TPRG1: variants seen among roughly 807,000 people sequenced by gnomAD.
The protein encoded by TPRG1 is tumor protein p63-regulated gene 1 protein.
Under a neutral mutation model 29.3 loss-of-function variants are expected in TPRG1, and 29 were observed. The observed-to-expected ratio is 0.99, with a 90% CI of 0.74 to 1.35. TPRG1 has a LOEUF of 1.35. Ranked by LOEUF, TPRG1 falls within the 40% of genes most tolerant of loss-of-function variation. The pLI, the probability that TPRG1 is intolerant of heterozygous loss-of-function variation, is 0.00. For synonymous variants in TPRG1, 130 were observed against 116.8 expected, an observed-to-expected ratio of 1.11 and a Z score of -0.73; for missense variants, 327 against 335.0, an observed-to-expected ratio of 0.98 and a Z score of 0.19.
intron 4 of TPRG1, among the ~76,000 whole-genome samples, chr3:189,300,265 T>A (rs964764982): frequency 6.6e-6 from 1 of 152,212 alleles, no homozygotes; most frequent in Non-Finnish European, 1.5e-5. Context: ...TTTCCTCATC[T>A]GTAAAATAGA....
At position 189,283,075 on chromosome 3, in the gene TPRG1, A is replaced by T. The variant is rs1030572915; in HGVS notation, c.480-27311A>T. On this transcript the variant is annotated intron_variant, in intron 4 of 5. Transcript: ENST00000345063. The stretch of plus-strand genomic sequence containing the variant: ...CATTCATATCTAAAAAGGAAACTTT[A>T]AATCAACCCACTCTCAAGGTGAAAT... Among the ~76,000 whole-genome samples, 32 of 152,348 alleles carry T rather than the reference A, an allele frequency of 2.1e-4. No individual in the cohort carries two copies. In the East Asian group the frequency reaches 4.6e-3, roughly 22 times the overall value.
intron 4 of TPRG1, among the ~76,000 whole-genome samples, chr3:189,088,865 A>T (rs2152177551): frequency 6.6e-6 from 1 of 152,296 alleles, no homozygotes; most frequent in East Asian, 1.9e-4. Flanking sequence ...CAAACTTTTT[A>T]AAAAAGCAAG....
intron 3 of TPRG1, among the ~76,000 whole-genome samples, chr3:189,233,421 G>A (rs1738983450): frequency 6.6e-6 from 1 of 152,112 alleles, no homozygotes; most frequent in Non-Finnish European, 1.5e-5. Context: ...ATTCCTAGTT[G>A]CCTGTTGCCC....
intron 1 of TPRG1, among the ~76,000 whole-genome samples, chr3:188,997,254 G>C (rs1044624754): frequency 5.9e-5 from 9 of 151,626 alleles, no homozygotes; most frequent in African/African-American, 2.2e-4. Context: ...TTTTTCTTTA[G>C]CAAACATTTT....
chr3:189,206,094 T>TTCTG (rs1734320722), intron 1 of TPRG1, among the ~76,000 whole-genome samples: 1 of 150,366 alleles, frequency 6.7e-6, no homozygotes, highest in Non-Finnish European at 1.5e-5. Flanking sequence ...CTTTCTTTCT[T>TTCTG]TCTTTCCTTC....
intron 4 of TPRG1, among the ~76,000 whole-genome samples, chr3:189,270,277 G>C (rs1714890650): frequency 6.6e-6 from 1 of 152,004 alleles, no homozygotes; most frequent in African/African-American, 2.4e-5. Flanking sequence ...CAGGAATTTT[G>C]AATTAGATCT....
At chr3:189,114,370 C>T (rs1720926798) in intron 1 of TPRG1, among the ~76,000 whole-genome samples, 1 of 152,076 alleles carries the variant, frequency 6.6e-6, no homozygotes, top group South Asian at 2.1e-4. Context: ...GCAACCTCTG[C>T]CTCCCGGGTT....
Position 189,207,465 on chromosome 3 carries a change from C to G in TPRG1, c.81C>G (p.Asp27Glu). 6.2e-7 allele frequency: 1 copy of G among 1,614,026 alleles called. No individual in the cohort carries two copies. The highest frequency in any genetic ancestry group is 8.5e-7 in the Non-Finnish European group (1 of 1,179,970). ...QEGDDQPSET[D>E]HLSMEEEDPM... is the part of the protein sequence containing the mutation. ...GAGATGACCAACCCTCTGAGACTGA[C>G]CACCTATCGATGGAGGAAGAGGACC... is the stretch of plus-strand genomic sequence containing the variant. Residue 27 changes from aspartate to glutamate, a missense_variant, in exon 2 of 6, where the codon GAC becomes GAG. By Grantham distance (45) the Asp-to-Glu change is conservative. Coordinates refer to ENST00000345063, the MANE Select transcript of TPRG1 (RefSeq NM_198485.4).
At chr3:189,289,451 T>C (rs1718633613) in intron 4 of TPRG1, among the ~76,000 whole-genome samples, 2 of 151,936 alleles carry the variant, frequency 1.3e-5, no homozygotes, top group Admixed American at 6.6e-5. Flanking sequence ...TTTTCCTGAC[T>C]GTGATTCTAT....
At chr3:189,248,147 A>G (rs956831922) in intron 4 of TPRG1, among the ~76,000 whole-genome samples, 4 of 151,890 alleles carry the variant, frequency 2.6e-5, no homozygotes, top group African/African-American at 9.7e-5. Context: ...TTAAAGGAAG[A>G]TAAACACTAC....
chr3:189,094,329 G>A (rs552755271), intron 4 of TPRG1, among the ~76,000 whole-genome samples: 25 of 152,282 alleles, frequency 1.6e-4, no homozygotes, highest in Middle Eastern at 3.4e-3. Context: ...ATGAAGAGAT[G>A]TTCTCCAGTA....
At chr3:189,157,791 G>A (rs1726893120) in intron 5 of TPRG1, among the ~76,000 whole-genome samples, 1 of 152,156 alleles carries the variant, frequency 6.6e-6, no homozygotes, top group Non-Finnish European at 1.5e-5. Flanking sequence ...CCACGCTGAT[G>A]AGTTGGGACC....
chr3:189,207,436 G>A lies in TPRG1; in HGVS notation c.52G>A (p.Glu18Lys). Residue 18 changes from glutamate to lysine, a missense_variant, in exon 2 of 6, where the codon GAG becomes AAG. By Grantham distance (56) the Glu-to-Lys change is moderately conservative. Transcript: ENST00000345063. ...ATTCCAGGCTGTGTCTCTGAAGCAA[G>A]AGGGAGATGACCAACCCTCTGAGAC... ...EGFQAVSLKQ[E>K]GDDQPSETDH... 6.2e-7 allele frequency: 1 copy of A among 1,614,090 alleles called. No homozygotes were observed. The highest frequency in any genetic ancestry group is 8.5e-7 in the Non-Finnish European group (1 of 1,179,962).
At chr3:189,098,703 T>C (rs1377199324), upstream of TPRG1, among the ~76,000 whole-genome samples, 2 of 152,104 alleles carry the variant, frequency 1.3e-5, no homozygotes, top group Admixed American at 1.3e-4. Context: ...GCCCCAAAAC[T>C]TTATGATTCT....
At chr3:189,097,263 A>AT (rs1441879503), upstream of TPRG1, among the ~76,000 whole-genome samples, 1 of 152,136 alleles carries the variant, frequency 6.6e-6, no homozygotes, top group Non-Finnish European at 1.5e-5. Context: ...CAACATTCTA[A>AT]TTTTTTATTG....
At position 189,078,083 on chromosome 3, in the gene TPRG1, CTCTTTCTCTCTTTCTTTCTT is replaced by C. The variant is rs1460539550; in HGVS notation, c.-462-48966_-462-48947del. On this transcript the variant is annotated intron_variant, in intron 4 of 10. Transcript: ENST00000433971. ...TCCTTTCTCTCCTTTCTCTCTTTCT[CTCTTTCTCTCTTTCTTTCTT>C]TCTTTCTTTCTTTCTTTCTTTCTTT... is the stretch of plus-strand genomic sequence containing the variant. Among the ~76,000 whole-genome samples, 85 of 106,562 alleles carry C rather than the reference CTCTTTCTCTCTTTCTTTCTT, an allele frequency of 8.0e-4. 1 individual carries two copies. Among genetic ancestry groups the C allele is most frequent in the Admixed American group, 1.5e-3 (14 of 9,128 alleles). 69.9% of individuals were successfully genotyped at this position (106,562 alleles called of 152,430 possible). A position where few individuals can be genotyped will look rare whatever the true frequency, so the allele number is the denominator to read the frequency against.
intron 4 of TPRG1, among the ~76,000 whole-genome samples, chr3:189,087,431 A>G (rs891771056): frequency 1.8e-4 from 27 of 152,112 alleles, no homozygotes; most frequent in African/African-American, 6.0e-4. Context: ...AGTAGGTTGC[A>G]AAAATTTTCT....
At chr3:189,169,803 G>A (rs892004204), upstream of TPRG1, among the ~76,000 whole-genome samples, 9 of 152,306 alleles carry the variant, frequency 5.9e-5, no homozygotes, top group African/African-American at 2.2e-4. Flanking sequence ...CACGGAAGAG[G>A]CAATCAAGGC....
At chr3:189,287,491 A>G (rs908885582) in intron 4 of TPRG1, among the ~76,000 whole-genome samples, 1 of 149,542 alleles carries the variant, frequency 6.7e-6, no homozygotes, top group Non-Finnish European at 1.5e-5. Context: ...TCCGCCTCCC[A>G]GGTTCATGCC....
Sources: allele counts gnomAD v4.1 joint callset (sites outside exome capture counted in the v4.1 genomes callset), GRCh38; gene constraint gnomAD v4.1.1; transcripts MANE v1.5; gene names NCBI Gene and HGNC (gene_info 2026-07-23, HGNC 2026-07-21).